The following SLC23A2 variants were observed in gnomAD, a reference collection of about 807,000 sequenced individuals.
SLC23A2 encodes solute carrier family 23 member 2, also known as Na(+)/L-ascorbic acid transporter 2.
In SLC23A2, 36 loss-of-function variants were observed where a neutral mutation model predicts 73.3. The observed-to-expected ratio is 0.49, with a 90% CI of 0.38 to 0.65. The LOEUF is 0.65. Among genes scored for constraint, SLC23A2 ranks in the 30% least tolerant of loss-of-function variants. The pLI is 0.00. For missense variants in SLC23A2, 507 were observed against 841.6 expected (o/e 0.60, Z 4.92); for synonymous variants, 343 against 327.3 (o/e 1.05, Z -0.52).
At chr20:4,889,870 C>T (rs2122843418) in intron 6 of SLC23A2, among the ~76,000 whole-genome samples, 1 of 152,124 alleles carries the variant, frequency 6.6e-6, no homozygotes, top group South Asian at 2.1e-4. Context: ...GAGGTTAAGT[C>T]TTTGTGGCAA....
chr20:4,910,425 G>C (rs1359992516), intron 4 of SLC23A2, among the ~76,000 whole-genome samples: 1 of 151,110 alleles, frequency 6.6e-6, no homozygotes, highest in Non-Finnish European at 1.5e-5. Context: ...TTAATGACTA[G>C]CATTTTATTT....
In SLC23A2 at chr20:4,976,975, C is replaced by CA. The variant is rs1012269243; in HGVS notation, c.-281-6057dup. ...TGGGTGGCTGAGAGAAGCTCCATCT[C>CA]AAAAAAAAAATAACAAAAATGCATA... On this transcript the variant is annotated intron_variant, in intron 1 of 16. Transcript: ENST00000338244. Among the ~76,000 whole-genome samples the CA allele has an allele frequency of 2.8e-3, 399 of 144,888 alleles. 2 individuals carry two copies. Among genetic ancestry groups the CA allele is most frequent in the African/African-American group, 8.8e-3 (347 of 39,416 alleles).
chr20:4,867,809 A>G lies in SLC23A2; in HGVS notation c.1317T>C (p.Thr439=). 1 of 1,610,494 alleles carries G rather than the reference A, an allele frequency of 6.2e-7. No homozygotes were observed. Among genetic ancestry groups the G allele is most frequent in the Non-Finnish European group, 8.5e-7 (1 of 1,176,828 alleles). Residue 439 remains threonine, a synonymous_variant, in exon 13 of 17, where the codon ACT becomes ACC. Coordinates refer to ENST00000338244, the MANE Select transcript of SLC23A2 (RefSeq NM_005116.6). ...AAACTCCAATGTTGGGACTGGATGAAGTAGAGCCATTCCCAGTACCAAATA... is the reference window on the plus strand; with the variant it reads ...AAACTCCAATGTTGGGACTGGATGAGGTAGAGCCATTCCCAGTACCAAATA... ...DGIFGTGNGS[T]SSSPNIGVLG...
At chr20:4,952,051 C>T (rs953053753) in intron 2 of SLC23A2, among the ~76,000 whole-genome samples, 1 of 124,704 alleles carries the variant, frequency 8.0e-6, no homozygotes, top group Admixed American at 1.1e-4. Context: ...TTGCAGTGAG[C>T]GAAGATTGCA....
rs1929726913 is a variant in SLC23A2, at chr20:4,856,748, A to C, written c.*224T>G. The C allele has an allele frequency of 2.0e-6, 1 of 508,718 alleles. No homozygotes were observed. 31.5% of individuals were successfully genotyped at this position (508,718 alleles called of 1,614,324 possible). On this transcript the variant is annotated 3_prime_UTR_variant, in exon 17 of 17. Transcript: ENST00000338244. The surrounding 1 kb of genome is among the most constrained non-coding windows in gnomAD (Gnocchi z 4.6). The stretch of plus-strand genomic sequence containing the variant: ...ATTTAGTGACCATGGCCAGCAATGG[A>C]CACTCTCAAAGGGCAAGGAGTTAAG...
intron 2 of SLC23A2, among the ~76,000 whole-genome samples, chr20:4,962,249 G>A (rs200618495): frequency 5.1e-4 from 63 of 123,644 alleles, no homozygotes; most frequent in African/African-American, 1.6e-3. Flanking sequence ...AACCACCCCC[G>A]CCCCAAAAAA....
chr20:4,949,287 CAAAAAAA>C (rs570455717), intron 2 of SLC23A2, among the ~76,000 whole-genome samples: 2 of 57,952 alleles, frequency 3.5e-5, no homozygotes, highest in African/African-American at 1.3e-4. Flanking sequence ...GACTCCATCT[CAAAAAAA>C]AAAAAAAAAA....
At chr20:4,990,239 G>A (rs1383249736) in intron 1 of SLC23A2, among the ~76,000 whole-genome samples, 1 of 152,174 alleles carries the variant, frequency 6.6e-6, no homozygotes, top group Non-Finnish European at 1.5e-5. Context: ...ATACAGACTG[G>A]CCAGGTGCAG....
At position 4,885,926 on chromosome 20, in the gene SLC23A2, C is replaced by T; in HGVS notation, c.483-17G>A. ...AGGGGTAACCTAAAAGAAACGAGACCAAAACCATGATCACGGCATCGGGAA... is the reference window on the plus strand; with the variant it reads ...AGGGGTAACCTAAAAGAAACGAGACTAAAACCATGATCACGGCATCGGGAA... On this transcript the variant is annotated splice_polypyrimidine_tract_variant and intron_variant, in intron 6 of 16. Transcript: ENST00000338244. 1 of 1,580,736 alleles carries T rather than the reference C, an allele frequency of 6.3e-7. No individual in the cohort carries two copies.
intron 4 of SLC23A2, among the ~76,000 whole-genome samples, chr20:4,910,695 C>G (rs148649344): frequency 6.6e-5 from 10 of 152,286 alleles, no homozygotes; most frequent in Non-Finnish European, 1.0e-4. Context: ...CTCGGCCTCC[C>G]AAAGTGCTGT....
At position 4,899,859 on chromosome 20, in the gene SLC23A2, C is replaced by T. The variant is rs1023506219; in HGVS notation, c.325-147G>A. 1.8e-5 allele frequency: 14 copies of T among 799,942 alleles called. No homozygotes were observed. In the East Asian group the frequency reaches 3.5e-4, roughly 20 times the overall value. 49.6% of individuals were successfully genotyped at this position (799,942 alleles called of 1,614,324 possible). On this transcript the variant is annotated intron_variant, in intron 5 of 16. Coordinates refer to ENST00000338244, the MANE Select transcript of SLC23A2 (RefSeq NM_005116.6). The surrounding 1 kb of genome is among the most constrained non-coding windows in gnomAD (Gnocchi z 4.9). ...TTTTTCGACCAAGCCATACTTTTTT[C>T]CTTCTTTTTCAGTATTTCTCCTTTG...
intron 2 of SLC23A2, among the ~76,000 whole-genome samples, chr20:4,945,702 A>C (rs1272362299): frequency 6.6e-6 from 1 of 152,204 alleles, no homozygotes. Context: ...ACTTCAGAGC[A>C]TATCTCAAAA....
intron 4 of SLC23A2, among the ~76,000 whole-genome samples, chr20:4,908,006 G>GT (rs1932017904): frequency 6.6e-6 from 1 of 152,122 alleles, no homozygotes; most frequent in South Asian, 2.1e-4. Context: ...GCAAAACAGA[G>GT]TAAGTGTCAG....
chr20:4,932,030 T>C (rs569810897), intron 3 of SLC23A2, among the ~76,000 whole-genome samples: 21 of 152,234 alleles, frequency 1.4e-4, no homozygotes, highest in Non-Finnish European at 2.5e-4. Flanking sequence ...TAAAACTACC[T>C]CTACGCTGGA....
intron 4 of SLC23A2, among the ~76,000 whole-genome samples, chr20:4,903,537 T>G (rs1054422889): frequency 6.6e-6 from 1 of 152,234 alleles, no homozygotes; most frequent in African/African-American, 2.4e-5. Flanking sequence ...TGAAGAGATA[T>G]CCACATGGAA....
At chr20:4,951,186 G>A (rs1440635963) in intron 2 of SLC23A2, among the ~76,000 whole-genome samples, 1 of 152,016 alleles carries the variant, frequency 6.6e-6, no homozygotes, top group Non-Finnish European at 1.5e-5. Flanking sequence ...ACCCACAGTT[G>A]GAATAAAGGA....
intron 2 of SLC23A2, among the ~76,000 whole-genome samples, chr20:4,946,766 G>A (rs2087124971): frequency 6.6e-6 from 1 of 152,244 alleles, no homozygotes; most frequent in Non-Finnish European, 1.5e-5. Flanking sequence ...GTGACAAGAC[G>A]ATAACTCATT....
intron 2 of SLC23A2, among the ~76,000 whole-genome samples, chr20:4,965,277 G>T (rs1259748081): frequency 6.6e-6 from 1 of 152,102 alleles, no homozygotes; most frequent in Non-Finnish European, 1.5e-5. Context: ...TGGTCAAAAG[G>T]TAAGCGCTCT....
In SLC23A2 at chr20:4,978,615, A is replaced by G. The variant is rs370776583; in HGVS notation, c.-281-7696T>C. Among the ~76,000 whole-genome samples, 181 of 152,298 alleles carry G rather than the reference A, an allele frequency of 1.2e-3. 1 individual carries two copies. Among genetic ancestry groups the G allele is most frequent in the African/African-American group, 4.3e-3 (180 of 41,562 alleles). On this transcript the variant is annotated intron_variant, in intron 1 of 16. Transcript: ENST00000338244. ...AATGGAAGACACAGAGGGGAAACAGAGTCTTATCCCCAGTTGGAGGCAGCC... is the reference window on the plus strand; with the variant it reads ...AATGGAAGACACAGAGGGGAAACAGGGTCTTATCCCCAGTTGGAGGCAGCC...
Sources: allele counts gnomAD v4.1 joint callset (sites outside exome capture counted in the v4.1 genomes callset), GRCh38; gene constraint gnomAD v4.1.1; non-coding constraint Gnocchi (gnomAD v3.1); transcripts MANE v1.5; gene names NCBI Gene and HGNC (gene_info 2026-07-23, HGNC 2026-07-21).